Variants in CHN1 observed in about 807,000 individuals in gnomAD.
The protein encoded by CHN1 is N-chimaerin.
A neutral mutation model predicts 59.5 loss-of-function variants in CHN1; 37 were observed. The ratio of observed to expected loss-of-function variants is 0.62; its 90% CI spans 0.48 to 0.82. The LOEUF (loss-of-function observed/expected upper bound fraction) is 0.82. Among genes scored for constraint, CHN1 ranks in the 40% least tolerant of loss-of-function variants. CHN1 has a pLI of 0.00. For missense variants in CHN1, 469 were observed against 571.0 expected (o/e 0.82, Z 1.82); for synonymous variants, 206 against 200.4 (o/e 1.03, Z -0.24).
intron 6 of CHN1, among the ~76,000 whole-genome samples, chr2:174,852,880 C>T (rs1206031927): frequency 6.6e-6 from 1 of 152,122 alleles, no homozygotes; most frequent in Non-Finnish European, 1.5e-5. Flanking sequence ...ATAAATAGTG[C>T]TGGGATAACT....
intron 3 of CHN1, among the ~76,000 whole-genome samples, chr2:174,943,182 T>TTG (rs3056103): frequency 0.059 from 8,872 of 149,748 alleles, 312 homozygotes; most frequent in Middle Eastern, 0.1. Flanking sequence ...TAGGGTTTGC[T>TTG]TGTGTGTGTG....
In CHN1 at chr2:174,842,031, C is replaced by T. The variant is rs143872430; in HGVS notation, c.627+4849G>A. Among the ~76,000 whole-genome samples, 679 of 152,256 alleles carry T rather than the reference C, an allele frequency of 4.5e-3. 6 individuals carry two copies. Among genetic ancestry groups the T allele is most frequent in the African/African-American group, 0.015 (639 of 41,558 alleles). Reference sequence around the variant, plus strand: ...ATCTAATTAAAAGAAAACATTGTAACAATACAGATCTTAAGACCAATAGAA... The same window carrying T: ...ATCTAATTAAAAGAAAACATTGTAATAATACAGATCTTAAGACCAATAGAA... On this transcript the variant is annotated intron_variant, in intron 7 of 12. Coordinates refer to ENST00000409900, the MANE Select transcript of CHN1 (RefSeq NM_001822.7).
intron 6 of CHN1, among the ~76,000 whole-genome samples, chr2:174,858,791 A>G (rs1009237049): frequency 6.6e-6 from 1 of 152,076 alleles, no homozygotes; most frequent in Non-Finnish European, 1.5e-5. Flanking sequence ...GGAACTCAGT[A>G]TCTTAAGAGT....
At chr2:174,924,817 CATTT>C (rs1248330198) in intron 3 of CHN1, among the ~76,000 whole-genome samples, 3 of 152,134 alleles carry the variant, frequency 2.0e-5, no homozygotes, top group Admixed American at 2.0e-4. Context: ...CTTACACAAA[CATTT>C]ATATGCTTCT....
intron 8 of CHN1, among the ~76,000 whole-genome samples, chr2:174,821,125 C>T (rs1311776389): frequency 6.6e-6 from 1 of 152,182 alleles, no homozygotes; most frequent in African/African-American, 2.4e-5. Flanking sequence ...TGGCTTGAAA[C>T]ATCAAGCATA....
intron 1 of CHN1, among the ~76,000 whole-genome samples, chr2:174,960,505 A>G (rs1690362660): frequency 6.6e-6 from 1 of 152,228 alleles, no homozygotes. Flanking sequence ...TCTGGATTCT[A>G]AAGAGCTTTT....
At chr2:174,908,789 G>A (rs748102397) in intron 5 of CHN1, among the ~76,000 whole-genome samples, 1 of 152,054 alleles carries the variant, frequency 6.6e-6, no homozygotes, top group Non-Finnish European at 1.5e-5. Context: ...ATTTAACAGT[G>A]AAGAGCAAGC....
chr2:174,861,794 G>C (rs1331539619), intron 6 of CHN1, among the ~76,000 whole-genome samples: 1 of 152,198 alleles, frequency 6.6e-6, no homozygotes, highest in Non-Finnish European at 1.5e-5. Flanking sequence ...CCTGAAATAA[G>C]AAGGATGTTT....
At chr2:175,002,531 C>T in intron 1 of CHN1, among the ~76,000 whole-genome samples, 1 of 152,152 alleles carries the variant, frequency 6.6e-6, no homozygotes, top group East Asian at 1.9e-4. Context: ...CTTTTTAAAA[C>T]TAAGTCACCA....
chr2:174,819,375 T>C (rs1574052190), intron 8 of CHN1, among the ~76,000 whole-genome samples: 1 of 152,356 alleles, frequency 6.6e-6, no homozygotes, highest in East Asian at 1.9e-4. Flanking sequence ...ATGATAATGA[T>C]ACACTGAAAA....
chr2:174,936,636 T>A (rs1199580026), intron 3 of CHN1, among the ~76,000 whole-genome samples: 1 of 152,158 alleles, frequency 6.6e-6, no homozygotes, highest in African/African-American at 2.4e-5. Flanking sequence ...ATACTGCATT[T>A]CACTGAATAA....
intron 3 of CHN1, among the ~76,000 whole-genome samples, chr2:174,937,722 G>A (rs1450443366): frequency 2.6e-5 from 4 of 151,922 alleles, no homozygotes; most frequent in Non-Finnish European, 4.4e-5. Context: ...CCACAGTAAT[G>A]AGTGAGTTCT....
intron 5 of CHN1, among the ~76,000 whole-genome samples, chr2:174,895,043 A>ACG (rs35751679): frequency 8.1e-5 from 12 of 148,194 alleles, no homozygotes; most frequent in South Asian, 2.1e-4. Flanking sequence ...ACACACACAC[A>ACG]CGCGCGCACA....
chr2:174,875,585 C>G (rs1310643101), intron 6 of CHN1, among the ~76,000 whole-genome samples: 1 of 152,170 alleles, frequency 6.6e-6, no homozygotes, highest in Non-Finnish European at 1.5e-5. Context: ...TCTTGTAGAA[C>G]TAGAACATAG....
intron 3 of CHN1, among the ~76,000 whole-genome samples, chr2:174,920,112 T>C (rs962269916): frequency 1.3e-5 from 2 of 152,214 alleles, no homozygotes; most frequent in East Asian, 1.9e-4. Context: ...TTGTTGCAAA[T>C]GACAGGACTT....
At chr2:174,950,781 T>G (rs1690003548) in intron 2 of CHN1, among the ~76,000 whole-genome samples, 1 of 148,758 alleles carries the variant, frequency 6.7e-6, no homozygotes, top group Non-Finnish European at 1.5e-5. Flanking sequence ...AGAGAAGTTT[T>G]TTTTTTTTTT....
At chr2:174,930,901 G>T (rs918163125) in intron 3 of CHN1, among the ~76,000 whole-genome samples, 4 of 152,074 alleles carry the variant, frequency 2.6e-5, no homozygotes, top group Non-Finnish European at 5.9e-5. Flanking sequence ...AAGTAGCTGG[G>T]ACTACAGGCA....
At chr2:174,865,780 C>T (rs1222683809) in intron 6 of CHN1, among the ~76,000 whole-genome samples, 2 of 152,096 alleles carry the variant, frequency 1.3e-5, no homozygotes, top group Non-Finnish European at 2.9e-5. Context: ...ATGTGTTCAG[C>T]CTATTCTACC....
In CHN1 at chr2:174,963,443, A is replaced by T. The variant is rs923169807; in HGVS notation, c.20-11241T>A. Among the ~76,000 whole-genome samples the T allele has an allele frequency of 4.7e-4, 71 of 152,200 alleles. 1 individual carries two copies. The highest frequency in any genetic ancestry group is 6.3e-4 in the Non-Finnish European group (43 of 68,036). ...GACTCTTAAAGGATAGATGGTTTTTAAAATAAAGGGGCTGCGAATAACAGG... is the reference window on the plus strand; with the variant it reads ...GACTCTTAAAGGATAGATGGTTTTTTAAATAAAGGGGCTGCGAATAACAGG... On this transcript the variant is annotated intron_variant, in intron 1 of 12. Transcript: ENST00000409900.
Sources: allele counts gnomAD v4.1 joint callset (sites outside exome capture counted in the v4.1 genomes callset), GRCh38; gene constraint gnomAD v4.1.1; transcripts MANE v1.5; gene names NCBI Gene and HGNC (gene_info 2026-07-23, HGNC 2026-07-21).